Variants in PRKAR1B observed in about 807,000 individuals in gnomAD.
PRKAR1B encodes the protein cAMP-dependent protein kinase type I-beta regulatory subunit.
In PRKAR1B, 22 loss-of-function variants were observed where a neutral mutation model predicts 46.5. The ratio of observed to expected loss-of-function variants is 0.47; its 90% CI spans 0.34 to 0.68. PRKAR1B has a LOEUF of 0.68. Ranked by LOEUF, PRKAR1B falls within the 30% of genes least tolerant of loss-of-function variation. The probability of loss-of-function intolerance (pLI) is 0.01; values close to 1 mark genes in which losing one functional copy is unlikely to be tolerated. For missense variants in PRKAR1B, 445 were observed against 535.6 expected, an observed-to-expected ratio of 0.83 and a Z score of 1.67; for synonymous variants, 259 against 217.7, an observed-to-expected ratio of 1.19 and a Z score of -1.67.
intron 4 of PRKAR1B, among the ~76,000 whole-genome samples, chr7:656,256 G>A (rs2128492289): frequency 6.6e-6 from 1 of 151,670 alleles, no homozygotes; most frequent in African/African-American, 2.4e-5. Flanking sequence ...GTGAATTAGT[G>A]GATGGGTGGG....
At chr7:723,844 C>T (rs887300672) in intron 1 of PRKAR1B, among the ~76,000 whole-genome samples, 2 of 151,460 alleles carry the variant, frequency 1.3e-5, no homozygotes, top group African/African-American at 2.5e-5. Context: ...CTGAGGCTGC[C>T]GTAACAAAGC....
chr7:592,406 G>A (rs1342399521), intron 7 of PRKAR1B, among the ~76,000 whole-genome samples: 3 of 152,204 alleles, frequency 2.0e-5, no homozygotes, highest in African/African-American at 4.8e-5. Flanking sequence ...GAGTCACTCC[G>A]GACACTGGTC....
chr7:597,910 C>T (rs1478454438), intron 6 of PRKAR1B, among the ~76,000 whole-genome samples: 3 of 152,230 alleles, frequency 2.0e-5, no homozygotes, highest in Non-Finnish European at 4.4e-5. Flanking sequence ...CCAACTCTTG[C>T]AGCACAGTGA....
intron 2 of PRKAR1B, among the ~76,000 whole-genome samples, chr7:710,314 G>A (rs557178602): frequency 6.6e-6 from 1 of 152,302 alleles, no homozygotes; most frequent in African/African-American, 2.4e-5. Context: ...AGAAACATTA[G>A]GTGATACGCA....
chr7:635,723 G>A (rs1011662472), intron 4 of PRKAR1B, among the ~76,000 whole-genome samples: 1 of 152,146 alleles, frequency 6.6e-6, no homozygotes, highest in African/African-American at 2.4e-5. Context: ...CACAGCGAGG[G>A]AGACGGGGAA....
In PRKAR1B at chr7:593,811, C is replaced by T. The variant is rs1048464878; in HGVS notation, c.708+2335G>A. On this transcript the variant is annotated intron_variant, in intron 7 of 10. Transcript: ENST00000537384. The surrounding 1 kb of genome is among the most constrained non-coding windows in gnomAD (Gnocchi z 6.1). ...GTGTACTGGAGTATCCCCAGCAGCA[C>T]AGGAGCCCCAGACCCAGGGTGGGCA... Among the ~76,000 whole-genome samples, 5 of 152,204 alleles carry T rather than the reference C, an allele frequency of 3.3e-5. No homozygotes were observed. Among genetic ancestry groups the T allele is most frequent in the African/African-American group, 1.2e-4 (5 of 41,464 alleles).
At position 580,926 on chromosome 7, in the gene PRKAR1B, C is replaced by T. The variant is rs550876911; in HGVS notation, c.770-1549G>A. On this transcript the variant is annotated intron_variant, in intron 8 of 10. Coordinates refer to ENST00000537384, the MANE Select transcript of PRKAR1B (RefSeq NM_001164760.2). ...TGCAAAGGAAAATGCTTCCCACGAA[C>T]CCCAGGGCCGGGCAGATTCTGCAGC... Among the ~76,000 whole-genome samples the T allele has an allele frequency of 4.6e-5, 7 of 152,244 alleles. No individual in the cohort carries two copies. In the South Asian group the frequency reaches 1.2e-3, roughly 27 times the overall value.
chr7:674,417 CCTAG>C (rs1381408407), intron 4 of PRKAR1B, among the ~76,000 whole-genome samples: 2 of 151,892 alleles, frequency 1.3e-5, no homozygotes, highest in African/African-American at 2.4e-5. Flanking sequence ...TCCATGTATA[CCTAG>C]CTACTCTAGC....
chr7:628,892 C>T (rs916262770), intron 4 of PRKAR1B, among the ~76,000 whole-genome samples: 1 of 150,024 alleles, frequency 6.7e-6, no homozygotes, highest in African/African-American at 2.5e-5. Context: ...AAGGACCCCT[C>T]AGGGTTCGTC....
chr7:642,725 T>C (rs1583346017), intron 4 of PRKAR1B, among the ~76,000 whole-genome samples: 1 of 132,528 alleles, frequency 7.5e-6, no homozygotes, highest in African/African-American at 3.0e-5. Flanking sequence ...AGAGCGAGAC[T>C]CCGTCTCAAA....
intron 4 of PRKAR1B, among the ~76,000 whole-genome samples, chr7:625,373 C>A (rs1203680354): frequency 6.6e-6 from 1 of 152,056 alleles, no homozygotes; most frequent in Non-Finnish European, 1.5e-5. Context: ...GAAATTAAAT[C>A]CAAAGCAACA....
intron 4 of PRKAR1B, among the ~76,000 whole-genome samples, chr7:656,229 AATGG>A (rs1785178468): frequency 6.6e-6 from 1 of 152,084 alleles, no homozygotes; most frequent in Non-Finnish European, 1.5e-5. Flanking sequence ...TGAGTGACTG[AATGG>A]ATGGATAAAT....
At chr7:652,470 G>A (rs960553522) in intron 4 of PRKAR1B, among the ~76,000 whole-genome samples, 68 of 143,590 alleles carry the variant, frequency 4.7e-4, no homozygotes, top group Middle Eastern at 3.8e-3. Flanking sequence ...GGAACCTGGG[G>A]AAACCCCTCT....
intron 2 of PRKAR1B, among the ~76,000 whole-genome samples, chr7:699,782 C>A (rs1251496450): frequency 1.3e-5 from 2 of 152,106 alleles, no homozygotes; most frequent in Non-Finnish European, 2.9e-5. Context: ...AGGAGCCAGA[C>A]CCCGTGAGGC....
chr7:685,182 GA>G (rs1460599393), intron 2 of PRKAR1B, among the ~76,000 whole-genome samples: 2 of 146,130 alleles, frequency 1.4e-5, no homozygotes, highest in African/African-American at 5.1e-5. Context: ...GACAAAGACA[GA>G]GAAAAACCAT....
chr7:649,836 G>C (rs1292639823), intron 4 of PRKAR1B, among the ~76,000 whole-genome samples: 1 of 151,868 alleles, frequency 6.6e-6, no homozygotes, highest in Admixed American at 6.6e-5. Context: ...GAGTAGCTGG[G>C]ACCACAGGCA....
At chr7:708,712 C>G (rs1780457623) in intron 2 of PRKAR1B, among the ~76,000 whole-genome samples, 1 of 151,922 alleles carries the variant, frequency 6.6e-6, no homozygotes. Context: ...GTCTCCAACT[C>G]CTGTGTGCAA....
chr7:550,705 A>G, intron 10 of PRKAR1B, 103 bp from the exon 11 acceptor site: 1 of 929,548 alleles, frequency 1.1e-6, no homozygotes, highest in Admixed American at 3.1e-5. Flanking sequence ...TTTTAAGGAT[A>G]GGATGTGCCA....
intron 4 of PRKAR1B, among the ~76,000 whole-genome samples, chr7:614,425 C>T (rs1184378586): frequency 2.0e-5 from 3 of 152,164 alleles, no homozygotes; most frequent in African/African-American, 7.2e-5. Flanking sequence ...CCATTACTGC[C>T]CCACTTCACA....
Sources: gnomAD v4.1 joint callset for allele counts (sites outside exome capture counted in the v4.1 genomes callset) on GRCh38, gnomAD v4.1.1 for gene constraint, Gnocchi (gnomAD v3.1) non-coding constraint, MANE v1.5 for transcripts, NCBI Gene and HGNC (gene_info 2026-07-23, HGNC 2026-07-21) for gene names.